Variants in ARHGEF18 observed in about 807,000 individuals in gnomAD.
The protein encoded by ARHGEF18 is rho guanine nucleotide exchange factor 18.
A neutral mutation model predicts 155.7 loss-of-function variants in ARHGEF18; 93 were observed. The observed-to-expected ratio is 0.60, with a 90% CI of 0.50 to 0.71. ARHGEF18 has a LOEUF of 0.71. Ranked by LOEUF, ARHGEF18 falls within the 30% of genes least tolerant of loss-of-function variation. The pLI, the probability that ARHGEF18 is intolerant of heterozygous loss-of-function variation, is 0.00. For missense variants in ARHGEF18, 1,593 were observed against 1,816.1 expected (o/e 0.88, Z 2.23); for synonymous variants, 742 against 753.1 (o/e 0.99, Z 0.24).
chr19:7,350,772 GTGTGTGTGTGTGT>G (rs1969137876), intron 1 of ARHGEF18, among the ~76,000 whole-genome samples: 1 of 27,452 alleles, frequency 3.6e-5, no homozygotes, highest in South Asian at 8.9e-4. Flanking sequence ...GGGTGGGTGT[GTGTGTGTGTGTGT>G]GTGTGTGTGT....
rs202237126 is a variant in ARHGEF18 at position 7,444,154 on chromosome 19, C to T, written c.1361-50C>T. On this transcript the variant is annotated intron_variant, in intron 13 of 28. Transcript: ENST00000668164. This position sits in a 1 kb window ranked among gnomAD's most constrained non-coding sequence, Gnocchi z 4.7. ...GCAGGCAGCACCCACGACTGCCCAG[C>T]GGGGCCGTGGAGCCAGCATGGCTAA... 75 of 1,594,496 alleles carry T rather than the reference C, an allele frequency of 4.7e-5. No homozygotes were observed. The East Asian group carries it at 9.2e-4, about 20-fold the overall frequency.
At chr19:7,452,812 A>G (rs1260996172) in intron 16 of ARHGEF18, among the ~76,000 whole-genome samples, 1 of 151,668 alleles carries the variant, frequency 6.6e-6, no homozygotes, top group East Asian at 2.0e-4. Context: ...TTCGTTTACC[A>G]AGCAGTAGAT....
chr19:7,389,912 T>C (rs554430116), intron 10 of ARHGEF18, among the ~76,000 whole-genome samples: 60 of 152,088 alleles, frequency 3.9e-4, no homozygotes, highest in African/African-American at 1.4e-3. Context: ...GTGAAAGAAA[T>C]GATGTGGGGC....
intron 2 of ARHGEF18, among the ~76,000 whole-genome samples, chr19:7,367,880 ATATTTTATATATAT>A (rs1228038336): frequency 2.5e-5 from 1 of 40,748 alleles, no homozygotes; most frequent in Admixed American, 3.7e-4. Flanking sequence ...TTATATATAT[ATATTTTATATATAT>A]TTTTTATATA....
chr19:7,393,495 C>G (rs1426274311), intron 10 of ARHGEF18, among the ~76,000 whole-genome samples: 1 of 152,128 alleles, frequency 6.6e-6, no homozygotes, highest in African/African-American at 2.4e-5. Context: ...AGGCATGAGC[C>G]GTCTTGCCTG....
rs1971615809 is a variant in ARHGEF18 at position 7,395,099 on chromosome 19, C to T, written c.967+11896C>T. 8 of 985,552 alleles carry T rather than the reference C, an allele frequency of 8.1e-6. No homozygotes were observed. Among genetic ancestry groups the T allele is most frequent in the Non-Finnish European group, 9.6e-6 (8 of 830,002 alleles). The allele number at this position is 985,552 out of a possible 1,614,324, so 61.1% of individuals were successfully genotyped here. ...GCCCCGCCTCCGAGGCGGGATCGCG[C>T]ATGCGCTGCTCTCCTCGCGCGGCTT... On this transcript the variant is annotated intron_variant, in intron 10 of 28. Transcript: ENST00000668164. The surrounding 1 kb of genome is among the most constrained non-coding windows in gnomAD (Gnocchi z 5.0).
At chr19:7,364,529 A>G (rs997408157) in intron 2 of ARHGEF18, among the ~76,000 whole-genome samples, 1 of 152,126 alleles carries the variant, frequency 6.6e-6, no homozygotes. Context: ...CTCTGCTCTC[A>G]TCACACTTTC....
At position 7,375,774 on chromosome 19, in the gene ARHGEF18, G is replaced by A. The variant is rs1411140354; in HGVS notation, c.330G>A (p.Leu110=). ...VDEEPCLPRT[L]ASLALNLPGG... ...AGGAACCCTGTCTCCCCCGAACACT[G>A]GCCAGCCTTGCTTTGAACCTGCCAG... The change falls in exon 4 of 29, where the codon CTG becomes CTA. Residue 110 remains leucine, a synonymous_variant. Coordinates refer to ENST00000668164, the MANE Select transcript of ARHGEF18 (RefSeq NM_001367823.1). 2 of 1,234,446 alleles carry A rather than the reference G, an allele frequency of 1.6e-6. No homozygotes were observed. The highest frequency in any genetic ancestry group is 2.0e-6 in the Non-Finnish European group (2 of 988,320). The allele number at this position is 1,234,446 out of a possible 1,614,324, so 76.5% of individuals were successfully genotyped here.
intron 10 of ARHGEF18, among the ~76,000 whole-genome samples, chr19:7,426,567 G>T (rs932773657): frequency 2.6e-5 from 4 of 151,650 alleles, no homozygotes; most frequent in Non-Finnish European, 5.9e-5. Context: ...CCTAATCGAC[G>T]TCTAGTGATT....
chr19:7,477,082 G>C, downstream of ARHGEF18: 4 of 957,326 alleles, frequency 4.2e-6, no homozygotes, highest in Non-Finnish European at 5.8e-6. Flanking sequence ...CACCCACCCT[G>C]CCCATGGGTT....
rs1976346614 is a variant in ARHGEF18 at position 7,462,583 on chromosome 19, G to A, written c.2635+249G>A. ...AGCACTTTCTCCCCGTTCAACAACC[G>A]CTCTGATGCTCCCTGCATGCAGAGG... On this transcript the variant is annotated intron_variant, in intron 21 of 28. Transcript: ENST00000668164. This position sits in a 1 kb window ranked among gnomAD's most constrained non-coding sequence, Gnocchi z 4.4. Among the ~76,000 whole-genome samples, 3 of 151,916 alleles carry A rather than the reference G, an allele frequency of 2.0e-5. No homozygotes were observed. Among genetic ancestry groups the A allele is most frequent in the African/African-American group, 7.3e-5 (3 of 41,188 alleles).
intron 10 of ARHGEF18, among the ~76,000 whole-genome samples, chr19:7,414,289 A>T (rs1012837838): frequency 6.6e-6 from 1 of 152,196 alleles, no homozygotes; most frequent in Non-Finnish European, 1.5e-5. Flanking sequence ...AAGCAACCAT[A>T]TAAGTACAGG....
chr19:7,425,775 G>A lies in ARHGEF18; in HGVS notation c.968-14569G>A, dbSNP rs193177041. 8.0e-4 allele frequency among the ~76,000 whole-genome samples: 121 copies of A among 152,014 alleles called. 1 individual carries two copies. The East Asian group carries it at 0.018, about 23-fold the overall frequency. On this transcript the variant is annotated intron_variant, in intron 10 of 28. Transcript: ENST00000668164. Reference sequence around the variant, plus strand: ...AGCACTTTGGGAGACCAAGGCAGGAGAATCGCTTGAGGTTAGGAGTTCAAG... The same window carrying A: ...AGCACTTTGGGAGACCAAGGCAGGAAAATCGCTTGAGGTTAGGAGTTCAAG...
downstream of ARHGEF18, among the ~76,000 whole-genome samples, chr19:7,475,435 G>A (rs1977206375): frequency 6.6e-6 from 1 of 152,132 alleles, no homozygotes; most frequent in Admixed American, 6.5e-5. Context: ...GGCTCTGCTT[G>A]CACGACTGTG....
At position 7,381,698 on chromosome 19, in the gene ARHGEF18, TA is replaced by T. The variant is rs1403556081; in HGVS notation, c.722+707del. ...GTCTCAAAAATAAATAAATAATAAATAAATAAATAAATAAATAAATAAATAA... is the reference window on the plus strand; with the variant it reads ...GTCTCAAAAATAAATAAATAATAAATAATAAATAAATAAATAAATAAATAA... On this transcript the variant is annotated intron_variant, in intron 8 of 28. Coordinates refer to ENST00000668164, the MANE Select transcript of ARHGEF18 (RefSeq NM_001367823.1). 5.2e-3 allele frequency among the ~76,000 whole-genome samples: 774 copies of T among 148,182 alleles called. 4 individuals are homozygous for T. The highest frequency in any genetic ancestry group is 0.018 in the African/African-American group (716 of 39,716).
In ARHGEF18 at chr19:7,366,380, C is replaced by T. The variant is rs936173411; in HGVS notation, c.15+3475C>T. ...ACGGTCCACACCTCAGCCATAGGAA[C>T]ATTTGCCATTTGCTTAAAGGCGCCA... On this transcript the variant is annotated intron_variant, in intron 2 of 28. Coordinates refer to ENST00000668164, the MANE Select transcript of ARHGEF18 (RefSeq NM_001367823.1). Among the ~76,000 whole-genome samples, 12 of 152,230 alleles carry T rather than the reference C, an allele frequency of 7.9e-5. No individual in the cohort carries two copies. The East Asian group carries it at 2.3e-3, about 29-fold the overall frequency.
At position 7,440,431 on chromosome 19, in the gene ARHGEF18, A is replaced by C; in HGVS notation, c.1055A>C (p.Lys352Thr). The change falls in exon 11 of 29, where the codon AAA becomes ACA. Residue 352 changes from lysine (K) to threonine (T), a missense_variant. Coordinates refer to ENST00000668164, the MANE Select transcript of ARHGEF18 (RefSeq NM_001367823.1). This position sits in a 1 kb window ranked among gnomAD's most constrained non-coding sequence, Gnocchi z 5.4. The stretch of plus-strand genomic sequence containing the variant: ...AATGTCGGTATGACGGTCTCTCAGA[A>C]AGGGGGTCCCCAGCCAACACCGAGC... ...SRNVGMTVSQ[K>T]GGPQPTPSPA... 2 of 1,602,698 alleles carry C rather than the reference A, an allele frequency of 1.2e-6. No homozygotes were observed. Among genetic ancestry groups the C allele is most frequent in the Non-Finnish European group, 1.7e-6 (2 of 1,179,926 alleles).
chr19:7,418,918 A>G (rs1378626806), intron 10 of ARHGEF18, among the ~76,000 whole-genome samples: 1 of 151,764 alleles, frequency 6.6e-6, no homozygotes, highest in Non-Finnish European at 1.5e-5. Flanking sequence ...TTCAGTAAGC[A>G]CCAGGGAATG....
chr19:7,467,456 G>T lies in ARHGEF18; in HGVS notation c.3252G>T (p.Ala1084=), dbSNP rs931870980. 2.6e-6 allele frequency: 4 copies of T among 1,509,640 alleles called. No homozygotes were observed. The highest frequency in any genetic ancestry group is 3.5e-6 in the Non-Finnish European group (4 of 1,136,508). The allele number at this position is 1,509,640 out of a possible 1,614,324, so 93.5% of individuals were successfully genotyped here. A position where few individuals can be genotyped will look rare whatever the true frequency, so the allele number is the denominator to read the frequency against. Residue 1084 remains alanine (A), a synonymous_variant, in exon 26 of 29, where the codon GCG becomes GCT. Coordinates refer to ENST00000668164, the MANE Select transcript of ARHGEF18 (RefSeq NM_001367823.1). ...GGCAGCACCAGGAGCTGGAGCGTGCGGGCGCGCGGCTGCAGGAGCGCGAGG... is the reference window on the plus strand; with the variant it reads ...GGCAGCACCAGGAGCTGGAGCGTGCTGGCGCGCGGCTGCAGGAGCGCGAGG... ...RQWQHQELER[A]GARLQEREGE...
Sources: gnomAD v4.1 joint callset for allele counts (sites outside exome capture counted in the v4.1 genomes callset) on GRCh38, gnomAD v4.1.1 for gene constraint, Gnocchi (gnomAD v3.1) non-coding constraint, MANE v1.5 for transcripts, NCBI Gene and HGNC (gene_info 2026-07-23, HGNC 2026-07-21) for gene names.